Variants in EVC observed in about 807,000 individuals in gnomAD.
The protein encoded by EVC is evC complex member EVC.
In EVC, 116 loss-of-function variants were observed where a neutral mutation model predicts 118.9. That is an observed-to-expected ratio of 0.98 (90% confidence interval 0.84 to 1.14). The LOEUF (loss-of-function observed/expected upper bound fraction) is 1.14. EVC is among the 50% of genes most tolerant of loss of function. EVC has a pLI of 0.00. For synonymous variants in EVC, 619 were observed against 534.7 expected (o/e 1.16, Z -2.18); for missense variants, 1,401 against 1,246.4 (o/e 1.12, Z -1.87).
In EVC at chr4:5,745,301, A is replaced by C. The variant is rs149529742; in HGVS notation, c.899A>C (p.Glu300Ala). 307 of 1,614,042 alleles carry C rather than the reference A, an allele frequency of 1.9e-4. No homozygotes were observed. The highest frequency in any genetic ancestry group is 2.5e-4 in the Non-Finnish European group (300 of 1,179,930). Residue 300 changes from glutamate to alanine, a missense_variant, in exon 7 of 21, where the codon GAA becomes GCA. By Grantham distance (107) the Glu-to-Ala change is moderately radical (BLOSUM62 -1). Coordinates refer to ENST00000264956, the MANE Select transcript of EVC (RefSeq NM_153717.3). Reference sequence around the variant, plus strand: ...GAGTACATCACCCTGGCTGATGTGGAAAAGAAGGAGAGAGAATACTCTGAA... The same window carrying C: ...GAGTACATCACCCTGGCTGATGTGGCAAAGAAGGAGAGAGAATACTCTGAA... Reference protein sequence around the residue: ...DSEYITLADVEKKEREYSEQL... With the variant: ...DSEYITLADVAKKEREYSEQL...
At chr4:5,735,009 G>A (rs1395331700) in intron 5 of EVC, among the ~76,000 whole-genome samples, 1 of 152,198 alleles carries the variant, frequency 6.6e-6, no homozygotes, top group East Asian at 1.9e-4. Context: ...CACAGCCAGC[G>A]AGTGTCCACA....
chr4:5,716,140 G>A (rs7681283), intron 1 of EVC, among the ~76,000 whole-genome samples: 126,445 of 152,230 alleles, frequency 0.83, 52,838 homozygotes, highest in African/African-American at 0.92. Context: ...GGTAAAAAGG[G>A]AGGTGTTTAT....
the EVC span, chr4:5,821,955 T>C: frequency 9.5e-7 from 1 of 1,047,218 alleles, no homozygotes; most frequent in South Asian, 1.6e-5. The surrounding 1 kb of genome is among the most constrained non-coding windows in gnomAD (Gnocchi z 4.4). Context: ...GGACCCACCT[T>C]CATTCAGGGC....
At chr4:5,757,525 C>G (rs1358301196) in intron 11 of EVC, among the ~76,000 whole-genome samples, 1 of 152,222 alleles carries the variant, frequency 6.6e-6, no homozygotes, top group Admixed American at 6.5e-5. Context: ...GTTCTGGAGG[C>G]TGAAGCCCGA....
intron 11 of EVC, among the ~76,000 whole-genome samples, chr4:5,772,728 C>A (rs1329436322): frequency 6.6e-6 from 1 of 152,076 alleles, no homozygotes; most frequent in African/African-American, 2.4e-5. Flanking sequence ...CAACCTGGCC[C>A]ACTCATCACC....
rs1439419332 is a variant in EVC at position 5,778,100 on chromosome 4, G to A, written c.1564-5452G>A. On this transcript the variant is annotated intron_variant, in intron 11 of 20. Coordinates refer to ENST00000264956, the MANE Select transcript of EVC (RefSeq NM_153717.3). Reference sequence around the variant, plus strand: ...GAGAATATGCGGTGTTTGGTTTTTTGTTCTTGCGATAGTTTACTGAGAATG... The same window carrying A: ...GAGAATATGCGGTGTTTGGTTTTTTATTCTTGCGATAGTTTACTGAGAATG... Among the ~76,000 whole-genome samples, 4 of 148,232 alleles carry A rather than the reference G, an allele frequency of 2.7e-5. No individual in the cohort carries two copies. In the East Asian group the frequency reaches 6.0e-4, roughly 22 times the overall value.
the EVC span, chr4:5,825,114 C>T: frequency 1.0e-6 from 1 of 985,426 alleles, no homozygotes. The surrounding 1 kb of genome is among the most constrained non-coding windows in gnomAD (Gnocchi z 4.4). Context: ...AAGACTTACA[C>T]AGAGCACATG....
intron 12 of EVC, among the ~76,000 whole-genome samples, chr4:5,785,724 G>A (rs1456332740): frequency 6.6e-6 from 1 of 152,234 alleles, no homozygotes; most frequent in African/African-American, 2.4e-5. Context: ...CCCAGTGGCT[G>A]CAATATGGTA....
intron 7 of EVC, among the ~76,000 whole-genome samples, chr4:5,747,455 T>C (rs906960096): frequency 6.6e-6 from 1 of 152,190 alleles, no homozygotes; most frequent in African/African-American, 2.4e-5. Context: ...CCTACACCTC[T>C]AGATACATAC....
intron 11 of EVC, among the ~76,000 whole-genome samples, chr4:5,763,018 G>T (rs1732312549): frequency 9.7e-6 from 1 of 103,378 alleles, no homozygotes; most frequent in African/African-American, 3.8e-5. Flanking sequence ...TTTTCTTCTA[G>T]GGTTTTTATG....
chr4:5,784,681 C>T (rs912140054), intron 12 of EVC, among the ~76,000 whole-genome samples: 1 of 143,296 alleles, frequency 7.0e-6, no homozygotes, highest in African/African-American at 2.6e-5. Flanking sequence ...GATCTTGGCT[C>T]ACTGCAACCT....
At chr4:5,828,476 C>T in the EVC span, 1 of 1,611,766 alleles carries the variant, frequency 6.2e-7, no homozygotes, top group Non-Finnish European at 8.5e-7. Context: ...CGCTCCCCTG[C>T]AGACACACTC....
At chr4:5,823,696 CCTT>C in the EVC span, among the ~76,000 whole-genome samples, 1 of 152,254 alleles carries the variant, frequency 6.6e-6, no homozygotes, top group Non-Finnish European at 1.5e-5. Context: ...CGCTAGCTCT[CCTT>C]CGCCTTCTGC....
In EVC at chr4:5,801,978, G is replaced by A; in HGVS notation, c.2333G>A (p.Ser778Asn). 1.2e-6 allele frequency: 2 copies of A among 1,613,928 alleles called. No homozygotes were observed. The highest frequency in any genetic ancestry group is 1.7e-6 in the Non-Finnish European group (2 of 1,180,016). The change falls in exon 16 of 21, where the codon AGC becomes AAC. Residue 778 changes from serine (S) to asparagine (N), a missense_variant. Ser to Asn is a conservative substitution (Grantham distance 46). Coordinates refer to ENST00000264956, the MANE Select transcript of EVC (RefSeq NM_153717.3). ...KRTLMEAAVE[S>N]VYVTSAGVSR... ...ACACTGATGGAGGCGGCAGTGGAGA[G>A]CGTCTACGTGACCAGCGCTGGTGTC...
chr4:5,770,574 A>G (rs1733787300), intron 11 of EVC, among the ~76,000 whole-genome samples: 1 of 152,212 alleles, frequency 6.6e-6, no homozygotes, highest in African/African-American at 2.4e-5. Flanking sequence ...GGAGAACACA[A>G]GAAGGGAGAA....
chr4:5,792,644 A>G (rs1713009039), intron 12 of EVC, among the ~76,000 whole-genome samples: 1 of 152,250 alleles, frequency 6.6e-6, no homozygotes, highest in South Asian at 2.1e-4. Context: ...TTTATGCACC[A>G]TATTTATGGA....
chr4:5,723,123 C>T (rs61141725), intron 2 of EVC, among the ~76,000 whole-genome samples: 13,864 of 151,920 alleles, frequency 0.091, 2,086 homozygotes, highest in African/African-American at 0.31. Flanking sequence ...GCCCATTTCC[C>T]GGCTCCTCCA....
chr4:5,790,221 C>T (rs1219758450), intron 12 of EVC, among the ~76,000 whole-genome samples: 1 of 148,796 alleles, frequency 6.7e-6, no homozygotes, highest in African/African-American at 2.5e-5. Flanking sequence ...GCAGAATTTT[C>T]TAGAATATTC....
At chr4:5,783,850 C>T in intron 12 of EVC, 86 bp downstream of exon 12, 3 of 1,237,044 alleles carry the variant, frequency 2.4e-6, no homozygotes, top group Admixed American at 4.0e-5. Flanking sequence ...CCTGAACACC[C>T]ACTAGTGCCT....
Sources: gnomAD v4.1 joint callset for allele counts (sites outside exome capture counted in the v4.1 genomes callset) on GRCh38, gnomAD v4.1.1 for gene constraint, Gnocchi (gnomAD v3.1) non-coding constraint, MANE v1.5 for transcripts, NCBI Gene and HGNC (gene_info 2026-07-23, HGNC 2026-07-21) for gene names.